CCDC60: variants seen among roughly 807,000 people sequenced by gnomAD.
CCDC60 encodes the protein coiled-coil domain-containing protein 60.
CCDC60 carries 54 observed loss-of-function variants against 63.5 expected under a neutral mutation model. The observed-to-expected ratio is 0.85, with a 90% CI of 0.68 to 1.07. CCDC60 has a LOEUF of 1.07. CCDC60 is among the 50% of genes least tolerant of loss of function. The probability of loss-of-function intolerance (pLI) is 0.00; values close to 1 mark genes in which losing one functional copy is unlikely to be tolerated. For missense variants in CCDC60, 651 were observed against 684.3 expected (o/e 0.95, Z 0.54); for synonymous variants, 206 against 238.8 (o/e 0.86, Z 1.27).
chr12:119,401,122 T>C (rs1956384663), intron 1 of CCDC60, among the ~76,000 whole-genome samples: 1 of 152,170 alleles, frequency 6.6e-6, no homozygotes, highest in Non-Finnish European at 1.5e-5. Context: ...ATTATCAACA[T>C]TCTCAGATGA....
At position 119,531,037 on chromosome 12, in the gene CCDC60, T is replaced by C. The variant is rs1364506981; in HGVS notation, c.1525T>C (p.Ser509Pro). 1 of 1,614,040 alleles carries C rather than the reference T, an allele frequency of 6.2e-7. No individual in the cohort carries two copies. Among genetic ancestry groups the C allele is most frequent in the Non-Finnish European group, 8.5e-7 (1 of 1,179,964 alleles). ...LQDLRIWELC[S>P]PDIAVAIEFV... is the part of the protein sequence containing the mutation. ...GGATCTGAGGATTTGGGAACTGTGC[T>C]CCCCTGACATCGCTGTGGCTATTGA... is the stretch of plus-strand genomic sequence containing the variant. The change falls in exon 13 of 14, where the codon TCC (serine) becomes CCC (proline). Residue 509 changes from serine to proline, a missense_variant. Ser to Pro is a moderately conservative substitution (Grantham distance 74). Transcript: ENST00000327554.
At chr12:119,384,384 A>G (rs541270042) in intron 1 of CCDC60, among the ~76,000 whole-genome samples, 68 of 152,228 alleles carry the variant, frequency 4.5e-4, no homozygotes, top group Admixed American at 7.2e-4. Context: ...TTCACCACTA[A>G]TAAAGGCAGC....
rs55694840 is a variant in CCDC60, at chr12:119,524,721, C to CTTTTTTTTTTTTTTTTTTTTTTTTTT, written c.1229+922_1229+923insTTTTTTTTTTTTTTTTTTTTTTTTTT. On this transcript the variant is annotated intron_variant, in intron 11 of 13. Transcript: ENST00000327554. The stretch of plus-strand genomic sequence containing the variant: ...ACAGCAGTTTCTTTTCTTTTCTTTT[C>CTTTTTTTTTTTTTTTTTTTTTTTTTT]TTTTTTTTTTTTTTTTTTTGAGACA... Among the ~76,000 whole-genome samples the CTTTTTTTTTTTTTTTTTTTTTTTTTT allele has an allele frequency of 1.2e-3, 114 of 99,022 alleles. 9 individuals carry two copies. Among genetic ancestry groups the CTTTTTTTTTTTTTTTTTTTTTTTTTT allele is most frequent in the East Asian group, 3.8e-3 (13 of 3,456 alleles). The allele number at this position is 99,022 out of a possible 152,430, so 65.0% of individuals were successfully genotyped here. A position where few individuals can be genotyped will look rare whatever the true frequency, so the allele number is the denominator to read the frequency against.
chr12:119,347,471 T>C (rs1955609307), intron 1 of CCDC60, among the ~76,000 whole-genome samples: 1 of 152,240 alleles, frequency 6.6e-6, no homozygotes, highest in Non-Finnish European at 1.5e-5. Flanking sequence ...ATCTCACCAC[T>C]GGACTTGTAG....
rs77318681 is a variant in CCDC60, at chr12:119,456,060, AAAGC to A, written c.171-15924_171-15921del. On this transcript the variant is annotated intron_variant, in intron 2 of 13. Coordinates refer to ENST00000327554, the MANE Select transcript of CCDC60 (RefSeq NM_178499.5). This position sits in a 1 kb window ranked among gnomAD's most constrained non-coding sequence, Gnocchi z 4.6. Reference sequence around the variant, plus strand: ...GAAAGAAAGAAAGAAAGAAAGAAAGAAAGCAAGCAAGCATGTGCAATTTCAAGGG... The same window carrying A: ...GAAAGAAAGAAAGAAAGAAAGAAAGAAAGCAAGCATGTGCAATTTCAAGGG... Among the ~76,000 whole-genome samples, 1,593 of 118,734 alleles carry A rather than the reference AAAGC, an allele frequency of 0.013. 82 individuals carry two copies. The highest frequency in any genetic ancestry group is 0.019 in the African/African-American group (608 of 31,446). 77.9% of individuals were successfully genotyped at this position (118,734 alleles called of 152,430 possible). A position where few individuals can be genotyped will look rare whatever the true frequency, so the allele number is the denominator to read the frequency against.
intron 2 of CCDC60, among the ~76,000 whole-genome samples, chr12:119,464,301 C>CA (rs1950911788): frequency 1.5e-5 from 1 of 67,716 alleles, no homozygotes; most frequent in African/African-American, 7.9e-5. Flanking sequence ...GCAAGAGCAA[C>CA]CCCCCCCCCA....
At chr12:119,522,154 TCAGA>T (rs935294226) in intron 9 of CCDC60, among the ~76,000 whole-genome samples, 6 of 152,034 alleles carry the variant, frequency 3.9e-5, no homozygotes, top group African/African-American at 7.3e-5. Context: ...GATAAAGTGG[TCAGA>T]CAGTTTTCCA....
At chr12:119,436,088 G>A (rs1348749775) in intron 2 of CCDC60, among the ~76,000 whole-genome samples, 1 of 152,132 alleles carries the variant, frequency 6.6e-6, no homozygotes, top group Non-Finnish European at 1.5e-5. Context: ...TATTCTTGTG[G>A]CCAAAGCAAG....
chr12:119,407,317 G>A (rs556425519), intron 1 of CCDC60, among the ~76,000 whole-genome samples: 41 of 151,792 alleles, frequency 2.7e-4, no homozygotes, highest in Non-Finnish European at 5.0e-4. Context: ...CATCAGCCTC[G>A]GCAACATAGT....
chr12:119,341,301 G>T (rs1182238862), intron 1 of CCDC60, among the ~76,000 whole-genome samples: 1 of 151,592 alleles, frequency 6.6e-6, no homozygotes, highest in Non-Finnish European at 1.5e-5. Flanking sequence ...ACAAAATGAA[G>T]CAGGCTATTT....
At chr12:119,471,417 C>G (rs1951055045) in intron 2 of CCDC60, among the ~76,000 whole-genome samples, 1 of 152,148 alleles carries the variant, frequency 6.6e-6, no homozygotes, top group African/African-American at 2.4e-5. Context: ...ATGGAAGAGC[C>G]CATCTTCTGT....
At chr12:119,539,771 G>T (rs1953105693) in intron 13 of CCDC60, among the ~76,000 whole-genome samples, 1 of 152,190 alleles carries the variant, frequency 6.6e-6, no homozygotes, top group South Asian at 2.1e-4. Context: ...CTGCCCAAAT[G>T]GCCACCCAGT....
intron 1 of CCDC60, among the ~76,000 whole-genome samples, chr12:119,368,186 AAGG>A (rs1490099916): frequency 5.2e-5 from 6 of 115,058 alleles, no homozygotes; most frequent in East Asian, 3.2e-4. Context: ...GGAGGAGAAA[AAGG>A]AGGGGGAAGG....
chr12:119,520,043 C>T (rs1292754176), intron 8 of CCDC60, 78 bp from the exon 9 acceptor site: 11 of 1,205,898 alleles, frequency 9.1e-6, no homozygotes, highest in Non-Finnish European at 1.3e-5. Context: ...AGAGAATTCC[C>T]CCTCCTCCCA....
At chr12:119,446,044 C>G (rs1950537114) in intron 2 of CCDC60, among the ~76,000 whole-genome samples, 1 of 152,124 alleles carries the variant, frequency 6.6e-6, no homozygotes, top group Admixed American at 6.5e-5. Context: ...TGTAACCAAA[C>G]ACGACCTGTA....
chr12:119,519,994 T>C (rs1296760319), intron 8 of CCDC60, 127 bp from the exon 9 acceptor site: 3 of 774,968 alleles, frequency 3.9e-6, no homozygotes, highest in Non-Finnish European at 6.5e-6. Context: ...TCCAGGTGAG[T>C]GCTGTGCTCA....
chr12:119,463,788 C>T (rs1006161674), intron 2 of CCDC60, among the ~76,000 whole-genome samples: 20 of 152,356 alleles, frequency 1.3e-4, no homozygotes, highest in Middle Eastern at 3.4e-3. Context: ...TATGGCCCTG[C>T]ACATGAAGAT....
At chr12:119,484,817 A>G (rs576529508) in intron 4 of CCDC60, among the ~76,000 whole-genome samples, 40 of 152,358 alleles carry the variant, frequency 2.6e-4, no homozygotes, top group African/African-American at 8.4e-4. Flanking sequence ...TGAAAAATCT[A>G]TTGAGCTGAC....
At chr12:119,440,663 G>T (rs79184800) in intron 2 of CCDC60, among the ~76,000 whole-genome samples, 1 of 152,250 alleles carries the variant, frequency 6.6e-6, no homozygotes, top group Admixed American at 6.5e-5. Context: ...GGGGTTTACC[G>T]GGAAGTAGTC....
Sources: allele counts gnomAD v4.1 joint callset (sites outside exome capture counted in the v4.1 genomes callset), GRCh38; gene constraint gnomAD v4.1.1; non-coding constraint Gnocchi (gnomAD v3.1); transcripts MANE v1.5; gene names NCBI Gene and HGNC (gene_info 2026-07-23, HGNC 2026-07-21).